The following ZNF423 variants were observed in gnomAD, a reference collection of about 807,000 sequenced individuals.
ZNF423 encodes zinc finger protein 423, also known as Ebf-associated zinc finger protein.
ZNF423 carries 12 observed loss-of-function variants against 95.8 expected under a neutral mutation model. The ratio of observed to expected loss-of-function variants is 0.13; its 90% CI spans 0.08 to 0.20. The LOEUF (loss-of-function observed/expected upper bound fraction) is 0.20, where lower values mean the gene tolerates loss of function less well. Ranked by LOEUF, ZNF423 falls within the 10% of genes least tolerant of loss-of-function variation. The pLI is 1.00. For missense variants in ZNF423, 1,316 were observed against 1,737.1 expected (o/e 0.76, Z 4.31); for synonymous variants, 749 against 711.9 (o/e 1.05, Z -0.83).
In ZNF423 at chr16:49,789,534, T is replaced by TC; in HGVS notation, c.52dup (p.Glu18GlyfsTer47). The stretch of plus-strand genomic sequence containing the variant: ...CCAGGCCAGCGAGAAGTCTGAGGCC[T>TC]CCCCCTCTTCAACTGAAAGAGAGAA... On this transcript the variant is annotated frameshift_variant, in exon 2 of 8. Transcript: ENST00000563137. LOFTEE classifies it high-confidence loss of function. The TC allele has an allele frequency of 6.2e-7, 1 of 1,610,952 alleles. No individual in the cohort carries two copies. Among genetic ancestry groups the TC allele is most frequent in the Non-Finnish European group, 8.5e-7 (1 of 1,179,124 alleles).
intron 3 of ZNF423, among the ~76,000 whole-genome samples, chr16:49,678,164 C>T (rs1271500108): frequency 6.6e-6 from 1 of 151,840 alleles, no homozygotes; most frequent in East Asian, 1.9e-4. Context: ...GCCCGGGTGA[C>T]AGAGCAAGAC....
chr16:49,858,963 G>A (rs528995426), upstream of ZNF423, among the ~76,000 whole-genome samples: 11 of 152,332 alleles, frequency 7.2e-5, no homozygotes, highest in African/African-American at 2.4e-4. The surrounding 1 kb of genome is among the most constrained non-coding windows in gnomAD (Gnocchi z 4.3). Context: ...GGGTGCCCCC[G>A]CCGCGGGCTG....
intron 4 of ZNF423, among the ~76,000 whole-genome samples, chr16:49,633,417 CCAAT>C: frequency 6.6e-6 from 1 of 152,260 alleles, no homozygotes; most frequent in East Asian, 1.9e-4. Flanking sequence ...CAGGCAGTGA[CCAAT>C]CAGAGCAGAT....
chr16:49,529,055 C>A (rs560052517), intron 5 of ZNF423, among the ~76,000 whole-genome samples: 35 of 152,042 alleles, frequency 2.3e-4, no homozygotes, highest in Admixed American at 3.9e-4. Context: ...AGCCTGCAGG[C>A]CCCTCCACCC....
intron 1 of ZNF423, among the ~76,000 whole-genome samples, chr16:49,790,474 G>A (rs551943684): frequency 6.6e-6 from 1 of 152,346 alleles, no homozygotes; most frequent in South Asian, 2.1e-4. Flanking sequence ...TGAGAGCCAC[G>A]AAGAGTTTGG....
intron 2 of ZNF423, among the ~76,000 whole-genome samples, chr16:49,735,573 C>G (rs1476995186): frequency 6.6e-6 from 1 of 152,214 alleles, no homozygotes; most frequent in Non-Finnish European, 1.5e-5. Context: ...TCAGTGGCTC[C>G]TTGACCAACA....
At chr16:49,747,755 C>T (rs546314413) in intron 2 of ZNF423, among the ~76,000 whole-genome samples, 1 of 152,046 alleles carries the variant, frequency 6.6e-6, no homozygotes, top group Non-Finnish European at 1.5e-5. Flanking sequence ...CAGGGAAGCA[C>T]AGAATTTTAG....
At chr16:49,534,185 T>TA (rs972464612) in intron 5 of ZNF423, among the ~76,000 whole-genome samples, 1 of 152,124 alleles carries the variant, frequency 6.6e-6, no homozygotes, top group African/African-American at 2.4e-5. Context: ...AATTAAAGAA[T>TA]ACTGATCATA....
intron 1 of ZNF423, among the ~76,000 whole-genome samples, chr16:49,830,738 T>A (rs1429826612): frequency 6.6e-6 from 1 of 152,042 alleles, no homozygotes; most frequent in African/African-American, 2.4e-5. Context: ...AGCCAATGAG[T>A]TGAGCAGGAC....
At chr16:49,729,819 G>A (rs1002139372) in intron 3 of ZNF423, among the ~76,000 whole-genome samples, 2 of 152,134 alleles carry the variant, frequency 1.3e-5, no homozygotes, top group Non-Finnish European at 2.9e-5. Context: ...AAGATGATAT[G>A]AGGAGTAGAA....
intron 3 of ZNF423, among the ~76,000 whole-genome samples, chr16:49,695,195 C>T (rs2031922879): frequency 6.6e-6 from 1 of 152,232 alleles, no homozygotes. Context: ...CTCACTGAAG[C>T]CTCTGCCTCA....
At chr16:49,538,893 C>A (rs183089723) in intron 5 of ZNF423, among the ~76,000 whole-genome samples, 48 of 152,340 alleles carry the variant, frequency 3.2e-4, no homozygotes, top group African/African-American at 1.1e-3. Flanking sequence ...ACTTGATTTT[C>A]TGTCAACTTC....
At position 49,529,833 on chromosome 16, in the gene ZNF423, C is replaced by T. The variant is rs531246682; in HGVS notation, c.3602-4339G>A. Among the ~76,000 whole-genome samples, 40 of 152,164 alleles carry T rather than the reference C, an allele frequency of 2.6e-4. No individual in the cohort carries two copies. In the East Asian group the frequency reaches 7.2e-3, roughly 27 times the overall value. ...GTGTGGACGGGGCATTGTTCTCGGG[C>T]TCTGGTGCACTGAGCGTGACCTGCT... is the stretch of plus-strand genomic sequence containing the variant. On this transcript the variant is annotated intron_variant, in intron 5 of 7. Transcript: ENST00000563137.
Position 49,795,163 on chromosome 16 carries a change from C to A in ZNF423, c.41-5617G>T, listed in dbSNP as rs187976632. Among the ~76,000 whole-genome samples, 7 of 152,326 alleles carry A rather than the reference C, an allele frequency of 4.6e-5. No homozygotes were observed. The East Asian group carries it at 1.4e-3, about 29-fold the overall frequency. On this transcript the variant is annotated intron_variant, in intron 1 of 7. Coordinates refer to ENST00000563137, the MANE Select transcript of ZNF423 (RefSeq NM_001379286.1). ...CTGGGATTACAGGCATGAGTCACTGCACCCGGCCCAAATTTTTAATCAATA... is the reference window on the plus strand; with the variant it reads ...CTGGGATTACAGGCATGAGTCACTGAACCCGGCCCAAATTTTTAATCAATA...
intron 2 of ZNF423, among the ~76,000 whole-genome samples, chr16:49,747,396 T>C (rs2143542309): frequency 6.6e-6 from 1 of 152,294 alleles, no homozygotes; most frequent in African/African-American, 2.4e-5. Flanking sequence ...TTTTAAAACA[T>C]GTATATCAGT....
intron 3 of ZNF423, among the ~76,000 whole-genome samples, chr16:49,710,394 C>A (rs1009920694): frequency 6.6e-6 from 1 of 152,212 alleles, no homozygotes; most frequent in Non-Finnish European, 1.5e-5. Flanking sequence ...TGTAGACTCT[C>A]CGGCACCCCA....
intron 1 of ZNF423, among the ~76,000 whole-genome samples, chr16:49,808,629 GC>G (rs1365737220): frequency 6.6e-6 from 1 of 152,124 alleles, no homozygotes; most frequent in East Asian, 1.9e-4. Context: ...GCTGAGTGTT[GC>G]ATGCCAAGGG....
intron 2 of ZNF423, among the ~76,000 whole-genome samples, chr16:49,743,606 G>C (rs1028452866): frequency 2.6e-5 from 4 of 152,058 alleles, no homozygotes; most frequent in African/African-American, 9.7e-5. Context: ...CAGGAATGAA[G>C]CCCGAAGCAG....
At chr16:49,677,607 A>G (rs573253212) in intron 3 of ZNF423, among the ~76,000 whole-genome samples, 13 of 152,152 alleles carry the variant, frequency 8.5e-5, no homozygotes, top group Admixed American at 7.8e-4. Context: ...CAATGCAGTG[A>G]GACCCTGTCT....
Sources: allele counts gnomAD v4.1 joint callset (sites outside exome capture counted in the v4.1 genomes callset), GRCh38; gene constraint gnomAD v4.1.1; non-coding constraint Gnocchi (gnomAD v3.1); transcripts MANE v1.5; gene names NCBI Gene and HGNC (gene_info 2026-07-23, HGNC 2026-07-21).